ATXN7: variants seen among roughly 807,000 people sequenced by gnomAD.
The protein encoded by ATXN7 is ataxin-7.
In ATXN7, 12 loss-of-function variants were observed where a neutral mutation model predicts 70.5. That is an observed-to-expected ratio of 0.17 (90% CI 0.11 to 0.28). ATXN7 has a LOEUF of 0.28. Among genes scored for constraint, ATXN7 ranks in the 10% least tolerant of loss-of-function variants. The pLI is 1.00. For synonymous variants in ATXN7, 498 were observed against 448.7 expected (o/e 1.11, Z -1.39); for missense variants, 1,256 against 1,131.7 (o/e 1.11, Z -1.58).
chr3:63,973,229 T>C (rs947565366), intron 5 of ATXN7, among the ~76,000 whole-genome samples: 1 of 152,164 alleles, frequency 6.6e-6, no homozygotes, highest in African/African-American at 2.4e-5. Context: ...TTATTTGATT[T>C]GGATTCTATT....
intron 2 of ATXN7, chr3:63,900,468 A>C (rs1703596003): frequency 6.6e-6 from 1 of 152,280 alleles, no homozygotes; most frequent in African/African-American, 2.4e-5. Context: ...AATGTTCTGG[A>C]CTAAAGCTGA....
In ATXN7 at chr3:63,995,611, G is replaced by T; in HGVS notation, c.1789G>T (p.Ala597Ser). The T allele has an allele frequency of 6.2e-7, 1 of 1,614,156 alleles. No individual in the cohort carries two copies. The highest frequency in any genetic ancestry group is 1.1e-5 in the South Asian group (1 of 91,082). ...ATGTGGAGTCAGCTATCTGGCAGCA[G>T]CCACCGTCTCTACATCCCCAGTCCT... ...SQCGVSYLAA[A>S]TVSTSPVLLS... The change falls in exon 12 of 13, where the codon GCC becomes TCC. Residue 597 changes from alanine to serine, a missense_variant. Transcript: ENST00000674280.
intron 4 of ATXN7, among the ~76,000 whole-genome samples, chr3:63,921,753 G>A (rs1002307773): frequency 9.9e-5 from 15 of 152,160 alleles, no homozygotes; most frequent in African/African-American, 2.7e-4. Flanking sequence ...GAAGGAAACC[G>A]CATAGCTTTA....
At chr3:63,979,797 C>G (rs2075455595) in intron 5 of ATXN7, 118 bp from the exon 6 acceptor site, 3 of 1,394,312 alleles carry the variant, frequency 2.2e-6, no homozygotes, top group Middle Eastern at 3.7e-4. Flanking sequence ...GTTTAACATA[C>G]CTTCACTTAA....
In ATXN7 at chr3:63,874,306, C is replaced by T. The variant is rs149395457; in HGVS notation, c.-111+10148C>T. Among the ~76,000 whole-genome samples, 838 of 152,266 alleles carry T rather than the reference C, an allele frequency of 5.5e-3. 7 individuals are homozygous for T. Among genetic ancestry groups the T allele is most frequent in the African/African-American group, 0.019 (775 of 41,566 alleles). ...CTCAAATTTCTCTGCATTTATTTTT[C>T]GGTCTTCTTGTGTCTAAGTGCTTTC... is the stretch of plus-strand genomic sequence containing the variant. On this transcript the variant is annotated intron_variant, in intron 1 of 12. Coordinates refer to ENST00000674280, the MANE Select transcript of ATXN7 (RefSeq NM_001377405.1).
chr3:63,957,946 T>A (rs1413592330), intron 5 of ATXN7, among the ~76,000 whole-genome samples: 1 of 152,146 alleles, frequency 6.6e-6, no homozygotes, highest in Non-Finnish European at 1.5e-5. Context: ...GAAGACCACG[T>A]AAGACAAATA....
chr3:63,992,788 G>A (rs2075692793), intron 11 of ATXN7, among the ~76,000 whole-genome samples: 1 of 152,184 alleles, frequency 6.6e-6, no homozygotes, highest in Non-Finnish European at 1.5e-5. Flanking sequence ...CAAGGGACGT[G>A]TTGCTCAGTA....
At chr3:63,876,011 A>C (rs748631250) in intron 1 of ATXN7, among the ~76,000 whole-genome samples, 28 of 152,056 alleles carry the variant, frequency 1.8e-4, no homozygotes, top group Non-Finnish European at 3.7e-4. Context: ...GTCTTTTTCT[A>C]ATTTGTTTCA....
At chr3:63,867,914 A>T (rs529142978) in intron 1 of ATXN7, among the ~76,000 whole-genome samples, 1 of 152,156 alleles carries the variant, frequency 6.6e-6, no homozygotes, top group Non-Finnish European at 1.5e-5. Flanking sequence ...AAATAAATAA[A>T]TAAAGTTGTC....
chr3:63,867,509 T>C (rs1470693097), intron 1 of ATXN7, among the ~76,000 whole-genome samples: 2 of 152,106 alleles, frequency 1.3e-5, no homozygotes, highest in Admixed American at 1.3e-4. Flanking sequence ...ATGACCATTC[T>C]AAAGAGAAAA....
chr3:63,949,080 A>G (rs773101724), intron 4 of ATXN7, among the ~76,000 whole-genome samples: 3 of 152,118 alleles, frequency 2.0e-5, no homozygotes, highest in Non-Finnish European at 4.4e-5. Flanking sequence ...CAAGATCCCT[A>G]TTTTAATTTG....
At chr3:63,971,953 G>T (rs1452051324) in intron 5 of ATXN7, among the ~76,000 whole-genome samples, 1 of 152,042 alleles carries the variant, frequency 6.6e-6, no homozygotes, top group South Asian at 2.1e-4. Flanking sequence ...TTTGTTTTAT[G>T]CAGTCTTTAT....
Position 63,995,983 on chromosome 3 carries a change from T to G in ATXN7, c.2161T>G (p.Ser721Ala), listed in dbSNP as rs759623104. 6.2e-7 allele frequency: 1 copy of G among 1,614,058 alleles called. No homozygotes were observed. The highest frequency in any genetic ancestry group is 8.5e-7 in the Non-Finnish European group (1 of 1,179,902). ...ACTGTTGGTTCACTCTTCCTCCTCC[T>G]CTTCCTCCTCCTCCTCTTCTTCTCA... is the stretch of plus-strand genomic sequence containing the variant. ...SPLLVHSSSS[S>A]SSSSSSSHSM... Residue 721 changes from serine (S) to alanine (A), a missense_variant, in exon 12 of 13, where the codon TCT becomes GCT. Transcript: ENST00000674280.
At chr3:63,949,506 C>G (rs1295485618) in intron 4 of ATXN7, among the ~76,000 whole-genome samples, 1 of 152,176 alleles carries the variant, frequency 6.6e-6, no homozygotes, top group Non-Finnish European at 1.5e-5. Flanking sequence ...TCAAGTGATT[C>G]TCCTGCCTCA....
Position 63,913,281 on chromosome 3 carries a change from A to G in ATXN7, c.394+56A>G, listed in dbSNP as rs1704132502. ...CAAACCCCTGGGAAGTTTCATTGAC[A>G]GTTCACTGGGACCGGGAACATCAGC... On this transcript the variant is annotated intron_variant, in intron 4 of 12. Coordinates refer to ENST00000674280, the MANE Select transcript of ATXN7 (RefSeq NM_001377405.1). 2.6e-6 allele frequency: 4 copies of G among 1,532,948 alleles called. No individual in the cohort carries two copies. In the South Asian group the frequency reaches 3.4e-5, roughly 13 times the overall value. 95.0% of individuals were successfully genotyped at this position (1,532,948 alleles called of 1,614,324 possible).
At chr3:63,965,339 G>C (rs1010580873) in intron 5 of ATXN7, among the ~76,000 whole-genome samples, 1 of 152,158 alleles carries the variant, frequency 6.6e-6, no homozygotes, top group African/African-American at 2.4e-5. Flanking sequence ...GCCCACGGCT[G>C]CACAACTAGA....
chr3:63,990,257 G>A lies in ATXN7; in HGVS notation c.1443G>A (p.Leu481=). ...TCCATGAATCTCCACACCCTCCCCT[G>A]CCTGCCACTGAGCCAGCTTCTCGGT... The part of the protein sequence containing the change: ...PPVHESPHPP[L]PATEPASRLS... Residue 481 remains leucine (L), a synonymous_variant, in exon 10 of 13, where the codon CTG becomes CTA. Transcript: ENST00000674280. 6.2e-7 allele frequency: 1 copy of A among 1,614,076 alleles called. No individual in the cohort carries two copies. Among genetic ancestry groups the A allele is most frequent in the Non-Finnish European group, 8.5e-7 (1 of 1,180,026 alleles).
intron 1 of ATXN7, among the ~76,000 whole-genome samples, chr3:63,883,991 C>T (rs1702995968): frequency 6.6e-6 from 1 of 151,926 alleles, no homozygotes; most frequent in Non-Finnish European, 1.5e-5. Flanking sequence ...TTTTATGCCA[C>T]AAAAGGAAGA....
At chr3:63,904,777 A>G (rs1000832041) in intron 2 of ATXN7, 8 of 152,086 alleles carry the variant, frequency 5.3e-5, no homozygotes, top group African/African-American at 1.9e-4. Context: ...ATCATATGCT[A>G]ATTCTGTGTT....
Sources: gnomAD v4.1 joint callset for allele counts (sites outside exome capture counted in the v4.1 genomes callset) on GRCh38, gnomAD v4.1.1 for gene constraint, MANE v1.5 for transcripts, NCBI Gene and HGNC (gene_info 2026-07-23, HGNC 2026-07-21) for gene names.